Variants in PCARE observed in about 807,000 individuals in gnomAD.
PCARE encodes uncharacterized protein C2orf71.
A neutral mutation model predicts 82.2 loss-of-function variants in PCARE; 72 were observed. That is an observed-to-expected ratio of 0.88 (90% CI 0.72 to 1.07). The LOEUF is 1.07. Among genes scored for constraint, PCARE ranks in the 50% least tolerant of loss-of-function variants. PCARE has a pLI of 0.00. For synonymous variants in PCARE, 705 were observed against 634.8 expected (o/e 1.11, Z -1.66); for missense variants, 1,768 against 1,592.4 (o/e 1.11, Z -1.88).
At chr2:29,069,775 A>G (rs1353876736) in intron 1 of PCARE, among the ~76,000 whole-genome samples, 1 of 152,228 alleles carries the variant, frequency 6.6e-6, no homozygotes, top group Non-Finnish European at 1.5e-5. Flanking sequence ...AAAATAATAA[A>G]TATTTTACAT....
chr2:29,065,550 G>A (rs767176477), intron 1 of PCARE, among the ~76,000 whole-genome samples: 4 of 152,246 alleles, frequency 2.6e-5, no homozygotes, highest in Non-Finnish European at 4.4e-5. Context: ...GCATTTGGCT[G>A]GAACAGAGAT....
In PCARE at chr2:29,072,194, G is replaced by T. The variant is rs546743700; in HGVS notation, c.2068C>A (p.Pro690Thr). The change falls in exon 1 of 2, where the codon CCC becomes ACC. Residue 690 changes from proline to threonine, a missense_variant. Coordinates refer to ENST00000331664, the MANE Select transcript of PCARE (RefSeq NM_001029883.3). ...QDKSILQKCN[P>T]HPEDEQGKAG... ...TTGCCTTGTTCGTCCTCAGGATGGG[G>T]ATTGCATTTCTGCAAGATGCTCTTG... The T allele has an allele frequency of 9.9e-6, 16 of 1,614,256 alleles. No individual in the cohort carries two copies. The African/African-American group carries it at 1.7e-4, about 17-fold the overall frequency.
rs1260424225 is a variant in PCARE at position 29,073,353 on chromosome 2, A to C, written c.909T>G (p.Thr303=). 6.2e-7 allele frequency: 1 copy of C among 1,613,824 alleles called. No homozygotes were observed. The highest frequency in any genetic ancestry group is 8.5e-7 in the Non-Finnish European group (1 of 1,180,034). The change falls in exon 1 of 2, where the codon ACT becomes ACG. Residue 303 remains threonine (T), a synonymous_variant. Transcript: ENST00000331664. ...TCAGCTTATTTTCCAAGTGGGTTGC[A>C]GTGGAGTGGAGGTAGCTGCTGGAGC... is the stretch of plus-strand genomic sequence containing the variant. ...LEGSSSYLHS[T]ATHLENKLST...
In PCARE at chr2:29,073,103, G is replaced by A; in HGVS notation, c.1159C>T (p.His387Tyr). Residue 387 changes from histidine (H) to tyrosine (Y), a missense_variant, in exon 1 of 2, where the codon CAC (histidine) becomes TAC (tyrosine). Transcript: ENST00000331664. ...PEEWKSVTSP[H>Y]TEARQSGHTW... is the part of the protein sequence containing the mutation. ...TGTCCTGACTGCCTGGCCTCTGTGT[G>A]GGGTGAAGTCACCGACTTCCATTCT... 1 of 1,614,184 alleles carries A rather than the reference G, an allele frequency of 6.2e-7. No homozygotes were observed. The highest frequency in any genetic ancestry group is 8.5e-7 in the Non-Finnish European group (1 of 1,180,030).
rs1553354660 is a variant in PCARE, at chr2:29,071,963, TG to T, written c.2298del (p.Arg767AspfsTer30). On this transcript the variant is annotated frameshift_variant, in exon 1 of 2. Coordinates refer to ENST00000331664, the MANE Select transcript of PCARE (RefSeq NM_001029883.3). LOFTEE classifies it high-confidence loss of function. Reference protein sequence around the residue: ...SPCLRNCIMPPRFPKYTGLAP... With the variant: ...SPCLRNCIMPXRFPKYTGLAP... Reference sequence around the variant, plus strand: ...GCAAGCCCTGTGTACTTGGGAAATCTGGGGGGCATGATGCAATTCCTGAGGC... The same window carrying T: ...GCAAGCCCTGTGTACTTGGGAAATCTGGGGGCATGATGCAATTCCTGAGGC... 6.2e-7 allele frequency: 1 copy of T among 1,614,024 alleles called. No individual in the cohort carries two copies. The highest frequency in any genetic ancestry group is 8.5e-7 in the Non-Finnish European group (1 of 1,179,918).
Position 29,064,834 on chromosome 2 carries a change from G to C in PCARE, c.*35C>G, listed in dbSNP as rs762445805. 2 of 1,607,176 alleles carry C rather than the reference G, an allele frequency of 1.2e-6. No individual in the cohort carries two copies. The highest frequency in any genetic ancestry group is 3.3e-5 in the Admixed American group (2 of 60,008). On this transcript the variant is annotated 3_prime_UTR_variant, in exon 2 of 2. Coordinates refer to ENST00000331664, the MANE Select transcript of PCARE (RefSeq NM_001029883.3). ...TTGGCTGTCACACTTGGCCTTCTGGGGTGACTGCGTGAGTGTGGCCCCCTC... is the reference window on the plus strand; with the variant it reads ...TTGGCTGTCACACTTGGCCTTCTGGCGTGACTGCGTGAGTGTGGCCCCCTC...
rs930803183 is a variant in PCARE, at chr2:29,062,356, C to T, written c.*2513G>A. 1 of 152,262 alleles carries T rather than the reference C, an allele frequency of 6.6e-6. No homozygotes were observed. The highest frequency in any genetic ancestry group is 2.4e-5 in the African/African-American group (1 of 41,442). 9.4% of individuals were successfully genotyped at this position (152,262 alleles called of 1,614,324 possible). A position where few individuals can be genotyped will look rare whatever the true frequency, so the allele number is the denominator to read the frequency against. ...GGCCCCAAGCAAACGTGGAGGTCCT[C>T]CAGAGGGACAAGGAGGCATCATGGG... On this transcript the variant is annotated 3_prime_UTR_variant, in exon 2 of 2. Transcript: ENST00000331664.
chr2:29,068,572 C>T (rs1465698122), intron 1 of PCARE, among the ~76,000 whole-genome samples: 1 of 152,136 alleles, frequency 6.6e-6, no homozygotes, highest in Non-Finnish European at 1.5e-5. Flanking sequence ...GGAAAAGGCA[C>T]ATTTCCCCGT....
Position 29,073,638 on chromosome 2 carries a change from G to A in PCARE, c.624C>T (p.Ala208=), listed in dbSNP as rs201140170. 2 of 1,614,218 alleles carry A rather than the reference G, an allele frequency of 1.2e-6. No individual in the cohort carries two copies. The highest frequency in any genetic ancestry group is 1.7e-6 in the Non-Finnish European group (2 of 1,180,044). The change falls in exon 1 of 2, where the codon GCC becomes GCT. Residue 208 remains alanine, a synonymous_variant. Transcript: ENST00000331664. ...YEAILCIIHQ[A]TQTRELLQPM... ...GCTGCAGCAGCTCCCGGGTCTGGGT[G>A]GCCTGATGGATGATGCACAGAATTG...
Position 29,064,989 on chromosome 2 carries a change from C to A in PCARE, c.3747G>T (p.Arg1249Ser). ...PCSPELQGGT[R>S]RASPPEFCVL... ...CACAGAACTCTGGGGGAGATGCACG[C>A]CTGGTGCCGCCCTGCAGTTCAGGGG... is the stretch of plus-strand genomic sequence containing the variant. The change falls in exon 2 of 2, where the codon AGG becomes AGT. Residue 1249 changes from arginine to serine, a missense_variant. Physicochemically the swap from Arg to Ser is moderately radical, Grantham distance 110. Coordinates refer to ENST00000331664, the MANE Select transcript of PCARE (RefSeq NM_001029883.3). 1.9e-6 allele frequency: 3 copies of A among 1,579,736 alleles called. No homozygotes were observed. The highest frequency in any genetic ancestry group is 1.7e-4 in the Middle Eastern group (1 of 5,784).
chr2:29,067,862 C>A (rs967123934), intron 1 of PCARE, among the ~76,000 whole-genome samples: 1 of 152,116 alleles, frequency 6.6e-6, no homozygotes, highest in African/African-American at 2.4e-5. Context: ...CTCTTTCAAG[C>A]CACTGTTACC....
In PCARE at chr2:29,071,243, T is replaced by A; in HGVS notation, c.3019A>T (p.Lys1007Ter). 1 of 1,612,726 alleles carries A rather than the reference T, an allele frequency of 6.2e-7. No individual in the cohort carries two copies. Among genetic ancestry groups the A allele is most frequent in the South Asian group, 1.1e-5 (1 of 91,040 alleles). ...TRTHWVPQADKRRRSLPSSYR... is the reference protein window; with the variant it reads ...TRTHWVPQAD ...GAGGAGGGAAGGCTCCGGCGCCTCTTGTCTGCTTGAGGCACCCAGTGTGTC... is the reference window on the plus strand; with the variant it reads ...GAGGAGGGAAGGCTCCGGCGCCTCTAGTCTGCTTGAGGCACCCAGTGTGTC... The change falls in exon 1 of 2, where the codon AAG becomes TAG. Residue 1007 changes from lysine (K) to a stop codon, truncating the protein, a stop_gained. Transcript: ENST00000331664. LOFTEE classifies it high-confidence loss of function.
At position 29,064,438 on chromosome 2, in the gene PCARE, G is replaced by C; in HGVS notation, c.*431C>G. The stretch of plus-strand genomic sequence containing the variant: ...TGACCTTCAGCCAGACACTTGAGGG[G>C]GCCTCTCCCCACACCTTCGGTTTTC... On this transcript the variant is annotated 3_prime_UTR_variant, in exon 2 of 2. Transcript: ENST00000331664. 3.9e-6 allele frequency: 1 copy of C among 255,198 alleles called. No homozygotes were observed. The allele number at this position is 255,198 out of a possible 1,614,324, so 15.8% of individuals were successfully genotyped here.
rs770943498 is a variant in PCARE at position 29,071,443 on chromosome 2, G to A, written c.2819C>T (p.Thr940Ile). The A allele has an allele frequency of 9.9e-6, 16 of 1,613,002 alleles. No homozygotes were observed. Among genetic ancestry groups the A allele is most frequent in the Non-Finnish European group, 1.3e-5 (15 of 1,180,000 alleles). The change falls in exon 1 of 2, where the codon ACT (threonine) becomes ATT (isoleucine). Residue 940 changes from threonine to isoleucine, a missense_variant. By Grantham distance (89) the Thr-to-Ile change is moderately conservative (BLOSUM62 -1). Transcript: ENST00000331664. ...TSQSPEVKGG[T>I]WSQAEKATSL... is the part of the protein sequence containing the mutation. ...GGTGGCCTTCTCTGCCTGACTCCAAGTCCCACCCTTCACCTCGGGGCTTTG... is the reference window on the plus strand; with the variant it reads ...GGTGGCCTTCTCTGCCTGACTCCAAATCCCACCCTTCACCTCGGGGCTTTG...
rs1224964558 is a variant in PCARE at position 29,072,926 on chromosome 2, G to GGGAGGT, written c.1330_1335dup (p.Thr444_Ser445dup). ...GTGCTTGTCCCCAGCTTCAAAGGTG[G>GGGAGGT]GGAGGTGATATTTTCTGGGCTTGTA... On this transcript the variant is annotated inframe_insertion, in exon 1 of 2. Transcript: ENST00000331664. 4 of 1,614,188 alleles carry GGGAGGT rather than the reference G, an allele frequency of 2.5e-6. No homozygotes were observed. The highest frequency in any genetic ancestry group is 3.4e-6 in the Non-Finnish European group (4 of 1,180,034).
At chr2:29,070,522 C>G (rs766130533) in intron 1 of PCARE, 72 bp downstream of exon 1, 1 of 1,595,310 alleles carries the variant, frequency 6.3e-7, no homozygotes, top group South Asian at 1.1e-5. Flanking sequence ...CCCAGAAGAT[C>G]TTTTGGCCCA....
At position 29,072,780 on chromosome 2, in the gene PCARE, T is replaced by C. The variant is rs1667514857; in HGVS notation, c.1482A>G (p.Glu494=). 1.9e-6 allele frequency: 3 copies of C among 1,610,882 alleles called. No homozygotes were observed. The highest frequency in any genetic ancestry group is 1.3e-5 in the African/African-American group (1 of 74,868). Residue 494 remains glutamate (E), a synonymous_variant, in exon 1 of 2, where the codon GAA becomes GAG. Transcript: ENST00000331664. ...ACAGACTCATGCTGCTCATTTTGTC[T>C]TCCTCCTCCTCCTCTGGGCTGCTGT... The part of the protein sequence containing the change: ...SEDSSPEEEE[E]DKMSSMSLCA...
At chr2:29,070,336 A>AT (rs1221787865) in intron 1 of PCARE, among the ~76,000 whole-genome samples, 7 of 151,664 alleles carry the variant, frequency 4.6e-5, no homozygotes, top group Non-Finnish European at 7.4e-5. Context: ...TTTGAACTTG[A>AT]TTTTTTTTAA....
At chr2:29,068,877 A>G (rs1405904844) in intron 1 of PCARE, among the ~76,000 whole-genome samples, 1 of 152,214 alleles carries the variant, frequency 6.6e-6, no homozygotes, top group African/African-American at 2.4e-5. Flanking sequence ...CCTTGGGGAT[A>G]TGGGAAGCCA....
Sources: gnomAD v4.1 joint callset for allele counts (sites outside exome capture counted in the v4.1 genomes callset) on GRCh38, gnomAD v4.1.1 for gene constraint, MANE v1.5 for transcripts, NCBI Gene and HGNC (gene_info 2026-07-23, HGNC 2026-07-21) for gene names.